Variants in ZNF775 observed in about 807,000 individuals in gnomAD.
ZNF775 encodes zinc finger protein 775.
ZNF775 carries 1 observed loss-of-function variant against 2.4 expected under a neutral mutation model. The observed-to-expected ratio is 0.41, with a 90% CI of 0.15 to 1.94. ZNF775 has a LOEUF of 1.94. Among genes scored for constraint, ZNF775 ranks in the 30% most tolerant of loss-of-function variants. The probability of loss-of-function intolerance (pLI) is 0.30; values close to 1 mark genes in which losing one functional copy is unlikely to be tolerated. For missense variants in ZNF775, 823 were observed against 826.6 expected (o/e 1.00, Z 0.05); for synonymous variants, 381 against 373.3 (o/e 1.02, Z -0.24).
intron 1 of ZNF775, among the ~76,000 whole-genome samples, chr7:150,387,543 G>T (rs1376661057): frequency 1.3e-5 from 2 of 152,164 alleles, no homozygotes; most frequent in African/African-American, 4.8e-5. Context: ...GCCGGGCGCA[G>T]TGGCTCACGC....
At position 150,397,874 on chromosome 7, in the gene ZNF775, C is replaced by T; in HGVS notation, c.1393C>T (p.Gln465Ter). The T allele has an allele frequency of 6.2e-7, 1 of 1,603,690 alleles. No individual in the cohort carries two copies. The highest frequency in any genetic ancestry group is 8.5e-7 in the Non-Finnish European group (1 of 1,178,640). ...GTGGTGGTCGGCGCTCACCATCCACCAGCGCATCCACACGGGTGAGCGGCC... is the reference window on the plus strand; with the variant it reads ...GTGGTGGTCGGCGCTCACCATCCACTAGCGCATCCACACGGGTGAGCGGCC... ...FSWWSALTIH[Q>*]RIHTGERPYP... is the part of the protein sequence containing the mutation. The change falls in exon 3 of 3, where the codon CAG becomes TAG. Residue 465 changes from glutamine to a stop codon, truncating the protein, a stop_gained. Coordinates refer to ENST00000329630, the MANE Select transcript of ZNF775 (RefSeq NM_173680.4). LOFTEE classifies it low-confidence loss of function (END_TRUNC).
chr7:150,395,193 C>T (rs1476467808), intron 2 of ZNF775, among the ~76,000 whole-genome samples: 2 of 152,154 alleles, frequency 1.3e-5, no homozygotes, highest in African/African-American at 4.8e-5. Context: ...CTTGCAAAAT[C>T]TTCTATTTCA....
At position 150,398,399 on chromosome 7, in the gene ZNF775, T is replaced by C; in HGVS notation, c.*304T>C. 1 of 460,074 alleles carries C rather than the reference T, an allele frequency of 2.2e-6. No homozygotes were observed. The highest frequency in any genetic ancestry group is 3.8e-6 in the Non-Finnish European group (1 of 259,998). The allele number at this position is 460,074 out of a possible 1,614,324, so 28.5% of individuals were successfully genotyped here. A position where few individuals can be genotyped will look rare whatever the true frequency, so the allele number is the denominator to read the frequency against. Reference sequence around the variant, plus strand: ...CGAGTGAGGGGTCTGTTGGGGACGCTGGGAGAGTCTCTGGTGTGAAGTGGC... The same window carrying C: ...CGAGTGAGGGGTCTGTTGGGGACGCCGGGAGAGTCTCTGGTGTGAAGTGGC... On this transcript the variant is annotated 3_prime_UTR_variant, in exon 3 of 3. Coordinates refer to ENST00000329630, the MANE Select transcript of ZNF775 (RefSeq NM_173680.4).
chr7:150,386,222 C>T (rs938193185), intron 1 of ZNF775, among the ~76,000 whole-genome samples: 1 of 152,150 alleles, frequency 6.6e-6, no homozygotes, highest in African/African-American at 2.4e-5. Flanking sequence ...AGGCATGAAC[C>T]ACCGTGCCCA....
chr7:150,381,372 A>C (rs1390421328), intron 1 of ZNF775, among the ~76,000 whole-genome samples: 6 of 152,042 alleles, frequency 3.9e-5, no homozygotes, highest in Non-Finnish European at 7.4e-5. Context: ...GTCTCCTGGG[A>C]ATGTCGAGGG....
rs1165499803 is a variant in ZNF775 at position 150,384,966 on chromosome 7, T to C, written c.-49-3456T>C. ...GTCCTCCTGAATTTGTGGCCTGGGC[T>C]CTGCCCTCCTCGGTCTGAGTTCCCC... On this transcript the variant is annotated intron_variant, in intron 1 of 2. Transcript: ENST00000329630. This position sits in a 1 kb window ranked among gnomAD's most constrained non-coding sequence, Gnocchi z 4.1. Among the ~76,000 whole-genome samples the C allele has an allele frequency of 5.3e-5, 8 of 152,234 alleles. No individual in the cohort carries two copies. The highest frequency in any genetic ancestry group is 5.2e-4 in the Admixed American group (8 of 15,282).
rs1278662603 is a variant in ZNF775 at position 150,382,664 on chromosome 7, T to G, written c.-50+3272T>G. On this transcript the variant is annotated intron_variant, in intron 1 of 2. Transcript: ENST00000329630. This position sits in a 1 kb window ranked among gnomAD's most constrained non-coding sequence, Gnocchi z 4.6. The stretch of plus-strand genomic sequence containing the variant: ...CCCACAGGCCAGGCCCTGAGGATCT[T>G]AGGCTGCACCAGGCTTGCCGGACAC... The G allele has an allele frequency of 6.6e-6, 1 of 152,252 alleles. No homozygotes were observed. The highest frequency in any genetic ancestry group is 1.5e-5 in the Non-Finnish European group (1 of 68,098). The allele number at this position is 152,252 out of a possible 1,614,324, so 9.4% of individuals were successfully genotyped here.
chr7:150,396,507 T>C lies in ZNF775; in HGVS notation c.32-6T>C. 3 of 1,583,430 alleles carry C rather than the reference T, an allele frequency of 1.9e-6. No homozygotes were observed. The highest frequency in any genetic ancestry group is 2.6e-6 in the Non-Finnish European group (3 of 1,168,306). On this transcript the variant is annotated splice_region_variant and splice_polypyrimidine_tract_variant and intron_variant, in intron 2 of 2. Transcript: ENST00000329630. ...CTCCCTCCTCTCTCCCGCTTGCCTC[T>C]GGCAGGAGCTGGGCTGGTGATGAAG...
chr7:150,387,558 A>G (rs758995951), intron 1 of ZNF775, among the ~76,000 whole-genome samples: 15 of 152,296 alleles, frequency 9.8e-5, no homozygotes, highest in Admixed American at 2.0e-4. Flanking sequence ...TCACGCCTGT[A>G]ATCCCAGCAC....
At position 150,398,356 on chromosome 7, in the gene ZNF775, AC is replaced by A; in HGVS notation, c.*265del. 1 of 563,942 alleles carries A rather than the reference AC, an allele frequency of 1.8e-6. No individual in the cohort carries two copies. The allele number at this position is 563,942 out of a possible 1,614,324, so 34.9% of individuals were successfully genotyped here. A position where few individuals can be genotyped will look rare whatever the true frequency, so the allele number is the denominator to read the frequency against. On this transcript the variant is annotated 3_prime_UTR_variant, in exon 3 of 3. Coordinates refer to ENST00000329630, the MANE Select transcript of ZNF775 (RefSeq NM_173680.4). ...TGTGACCACCCTCTTCAGAGGTTGG[AC>A]CCCAGGCTTCAAGCACCGAGTGAGG...
rs188441412 is a variant in ZNF775, at chr7:150,391,462, C to A, written c.31+2961C>A. 3.4e-4 allele frequency among the ~76,000 whole-genome samples: 51 copies of A among 152,158 alleles called. 2 individuals carry two copies. The highest frequency in any genetic ancestry group is 1.2e-3 in the African/African-American group (48 of 41,506). ...GGTAGAGGCTGCAGTAAGCCAAGAT[C>A]GCGCCATTGCATTCCAGCCTGGGTG... On this transcript the variant is annotated intron_variant, in intron 2 of 2. Coordinates refer to ENST00000329630, the MANE Select transcript of ZNF775 (RefSeq NM_173680.4).
intron 1 of ZNF775, among the ~76,000 whole-genome samples, chr7:150,386,075 A>G (rs896459251): frequency 6.6e-6 from 1 of 152,096 alleles, no homozygotes; most frequent in Non-Finnish European, 1.5e-5. Flanking sequence ...AGCTGGGATT[A>G]CAGACATGTG....
rs751978374 is a variant in ZNF775 at position 150,396,648 on chromosome 7, C to T, written c.167C>T (p.Thr56Ile). The T allele has an allele frequency of 1.2e-6, 2 of 1,611,814 alleles. No homozygotes were observed. Among genetic ancestry groups the T allele is most frequent in the Admixed American group, 3.3e-5 (2 of 59,936 alleles). Residue 56 changes from threonine (T) to isoleucine (I), a missense_variant, in exon 3 of 3, where the codon ACC (threonine) becomes ATC (isoleucine). By Grantham distance (89) the Thr-to-Ile change is moderately conservative. Transcript: ENST00000329630. ...QQHRGLPPRQTMGRPRALGGQ... is the reference protein window; with the variant it reads ...QQHRGLPPRQIMGRPRALGGQ... The stretch of plus-strand genomic sequence containing the variant: ...CACCGGGGCCTCCCGCCACGCCAGA[C>T]CATGGGGCGGCCTCGAGCCCTGGGG...
At chr7:150,379,542 G>C (rs1056555578) in intron 1 of ZNF775, 150 bp downstream of exon 1, 7 of 151,766 alleles carry the variant, frequency 4.6e-5, no homozygotes, top group African/African-American at 1.7e-4. Context: ...CGGGGGCCTG[G>C]GGTGCCCCGA....
chr7:150,392,757 C>T (rs1419060124), intron 2 of ZNF775, among the ~76,000 whole-genome samples: 1 of 152,164 alleles, frequency 6.6e-6, no homozygotes, highest in African/African-American at 2.4e-5. Context: ...TGGTCTTCAA[C>T]TCCTGCACTT....
chr7:150,389,410 C>T (rs1800516783), intron 2 of ZNF775, among the ~76,000 whole-genome samples: 1 of 152,266 alleles, frequency 6.6e-6, no homozygotes, highest in South Asian at 2.1e-4. Context: ...GCCGCAAGTG[C>T]AAAACATGGC....
chr7:150,391,886 G>A (rs1800566152), intron 2 of ZNF775, among the ~76,000 whole-genome samples: 1 of 151,636 alleles, frequency 6.6e-6, no homozygotes, highest in Non-Finnish European at 1.5e-5. Context: ...TAATTGTTTT[G>A]TATTTTTAGT....
rs73172709 is a variant in ZNF775 at position 150,384,059 on chromosome 7, T to C, written c.-49-4363T>C. ...CAATCCCCTCTTTGTGTGGTTGGTC[T>C]TCAGTTGTCATGGCAGCTGGGCCCA... On this transcript the variant is annotated intron_variant, in intron 1 of 2. Transcript: ENST00000329630. This position sits in a 1 kb window ranked among gnomAD's most constrained non-coding sequence, Gnocchi z 4.1. Among the ~76,000 whole-genome samples, 20,659 of 152,294 alleles carry C rather than the reference T, an allele frequency of 0.14. 2,966 individuals carry two copies. Among genetic ancestry groups the C allele is most frequent in the African/African-American group, 0.37 (15,173 of 41,538 alleles).
At chr7:150,396,291 GCCC>G in intron 2 of ZNF775, among the ~76,000 whole-genome samples, 1 of 152,008 alleles carries the variant, frequency 6.6e-6, no homozygotes, top group Admixed American at 6.6e-5. Context: ...ATCTTAACCT[GCCC>G]TTGTTGTCCT....
Sources: gnomAD v4.1 joint callset for allele counts (sites outside exome capture counted in the v4.1 genomes callset) on GRCh38, gnomAD v4.1.1 for gene constraint, Gnocchi (gnomAD v3.1) non-coding constraint, MANE v1.5 for transcripts, NCBI Gene and HGNC (gene_info 2026-07-23, HGNC 2026-07-21) for gene names.